The following TOX variants were observed in gnomAD, a reference collection of about 807,000 sequenced individuals.
TOX encodes thymocyte selection-associated high mobility group box protein TOX.
Under a neutral mutation model 53.7 loss-of-function variants are expected in TOX, and 11 were observed. The observed-to-expected ratio is 0.20, with a 90% CI of 0.13 to 0.34. The LOEUF (loss-of-function observed/expected upper bound fraction) is 0.34. Ranked by LOEUF, TOX falls within the 10% of genes least tolerant of loss-of-function variation. TOX has a pLI of 1.00. For synonymous variants in TOX, 225 were observed against 245.3 expected (o/e 0.92, Z 0.77); for missense variants, 570 against 664.6 (o/e 0.86, Z 1.56).
intron 3 of TOX, among the ~76,000 whole-genome samples, chr8:58,893,308 T>C (rs1811589297): frequency 6.6e-6 from 1 of 152,176 alleles, no homozygotes. Context: ...AAGAAGATAA[T>C]ATTTCTTTCT....
At chr8:58,928,565 A>T (rs1216960968) in intron 3 of TOX, among the ~76,000 whole-genome samples, 1 of 152,184 alleles carries the variant, frequency 6.6e-6, no homozygotes, top group African/African-American at 2.4e-5. Flanking sequence ...GCATACTTTT[A>T]TTCTATGTGA....
intron 5 of TOX, among the ~76,000 whole-genome samples, chr8:58,834,448 G>A (rs980499999): frequency 1.3e-5 from 2 of 152,300 alleles, no homozygotes; most frequent in Non-Finnish European, 2.9e-5. Flanking sequence ...ATACATAGCA[G>A]TATGTGTGTT....
intron 1 of TOX, among the ~76,000 whole-genome samples, chr8:59,114,854 T>C (rs987442058): frequency 6.6e-6 from 1 of 152,316 alleles, no homozygotes; most frequent in East Asian, 1.9e-4. Context: ...ACATTTTAAA[T>C]AGAAAATAAG....
At chr8:59,039,358 G>A (rs1803531828) in intron 1 of TOX, among the ~76,000 whole-genome samples, 1 of 152,212 alleles carries the variant, frequency 6.6e-6, no homozygotes, top group South Asian at 2.1e-4. Flanking sequence ...AACTGTGTAT[G>A]AAGTGGAAAT....
chr8:59,030,853 A>AT (rs1198322713), intron 1 of TOX, among the ~76,000 whole-genome samples: 1 of 152,122 alleles, frequency 6.6e-6, no homozygotes, highest in African/African-American at 2.4e-5. Flanking sequence ...ATTTCCTCTC[A>AT]TTTTTTCTAT....
chr8:59,062,382 A>C (rs1804001341), intron 1 of TOX, among the ~76,000 whole-genome samples: 2 of 152,348 alleles, frequency 1.3e-5, no homozygotes, highest in South Asian at 4.1e-4. Flanking sequence ...AATACCAGTA[A>C]GGGCTGGTGC....
At chr8:58,964,155 GA>G (rs1812850979) in intron 1 of TOX, among the ~76,000 whole-genome samples, 1 of 152,132 alleles carries the variant, frequency 6.6e-6, no homozygotes, top group South Asian at 2.1e-4. Flanking sequence ...TCAAATGTTA[GA>G]TTCAGTTCTT....
intron 3 of TOX, among the ~76,000 whole-genome samples, chr8:58,909,098 C>A (rs761114404): frequency 6.6e-6 from 1 of 152,182 alleles, no homozygotes; most frequent in Non-Finnish European, 1.5e-5. Context: ...ATTAGAATTA[C>A]CTAGGGAATT....
intron 4 of TOX, among the ~76,000 whole-genome samples, chr8:58,847,225 A>T (rs1322505337): frequency 1.3e-5 from 2 of 152,152 alleles, no homozygotes; most frequent in African/African-American, 4.8e-5. Context: ...TAAAACCAAC[A>T]TATTCTGACT....
intron 2 of TOX, among the ~76,000 whole-genome samples, chr8:58,951,145 G>A (rs1812614199): frequency 1.3e-5 from 2 of 152,128 alleles, no homozygotes; most frequent in Admixed American, 6.5e-5. Context: ...ACCAAGGATG[G>A]AGTTTGACAG....
chr8:59,071,111 A>T (rs961213369), intron 1 of TOX, among the ~76,000 whole-genome samples: 1 of 152,220 alleles, frequency 6.6e-6, no homozygotes, highest in Non-Finnish European at 1.5e-5. Context: ...AATAATCGTG[A>T]AAAGCTCGCA....
At chr8:58,837,798 AC>A (rs1282019433) in intron 5 of TOX, among the ~76,000 whole-genome samples, 1 of 152,234 alleles carries the variant, frequency 6.6e-6, no homozygotes, top group Non-Finnish European at 1.5e-5. Flanking sequence ...CACATTGGCA[AC>A]ATTAAGGAAT....
chr8:59,061,822 C>T (rs1022197596), intron 1 of TOX, among the ~76,000 whole-genome samples: 4 of 152,084 alleles, frequency 2.6e-5, no homozygotes, highest in Non-Finnish European at 5.9e-5. Context: ...GCAAAATCCA[C>T]GTGCGCCCAT....
chr8:58,913,897 C>T (rs1811953929), intron 3 of TOX, among the ~76,000 whole-genome samples: 1 of 152,020 alleles, frequency 6.6e-6, no homozygotes, highest in African/African-American at 2.4e-5. Flanking sequence ...TTCACTTAGC[C>T]ACTTTTCGAG....
intron 1 of TOX, among the ~76,000 whole-genome samples, chr8:59,043,840 G>C (rs1258802396): frequency 6.6e-6 from 1 of 152,198 alleles, no homozygotes. Context: ...ATGTGGAACT[G>C]ATTGATGCTG....
chr8:58,879,804 C>T (rs1481202458), intron 3 of TOX, among the ~76,000 whole-genome samples: 3 of 152,118 alleles, frequency 2.0e-5, no homozygotes, highest in Admixed American at 2.0e-4. Context: ...GGATCTATGA[C>T]AAACCTCAGA....
chr8:58,977,776 C>T (rs1813129715), intron 1 of TOX, among the ~76,000 whole-genome samples: 1 of 152,168 alleles, frequency 6.6e-6, no homozygotes, highest in African/African-American at 2.4e-5. Flanking sequence ...TCAGAACACA[C>T]ACATTTATCA....
chr8:58,999,765 A>G (rs1813654568), intron 1 of TOX, among the ~76,000 whole-genome samples: 1 of 152,160 alleles, frequency 6.6e-6, no homozygotes, highest in South Asian at 2.1e-4. Flanking sequence ...AGTCAGATTC[A>G]CAATGAGACT....
chr8:59,060,144 G>T (rs750935797), intron 1 of TOX, among the ~76,000 whole-genome samples: 25 of 152,046 alleles, frequency 1.6e-4, no homozygotes, highest in Non-Finnish European at 2.9e-4. Flanking sequence ...TGTCTCAGCT[G>T]GCATTCCCAC....
Sources: gnomAD v4.1 joint callset for allele counts (sites outside exome capture counted in the v4.1 genomes callset) on GRCh38, gnomAD v4.1.1 for gene constraint, MANE v1.5 for transcripts, NCBI Gene and HGNC (gene_info 2026-07-23, HGNC 2026-07-21) for gene names.